The following SEMA5B variants were observed in gnomAD, a reference collection of about 807,000 sequenced individuals.
The protein encoded by SEMA5B is semaphorin 5B.
A neutral mutation model predicts 135.0 loss-of-function variants in SEMA5B; 66 were observed. The ratio of observed to expected loss-of-function variants is 0.49; its 90% confidence interval spans 0.40 to 0.60. SEMA5B has a LOEUF of 0.60. Among genes scored for constraint, SEMA5B ranks in the 20% least tolerant of loss-of-function variants. SEMA5B has a pLI of 0.00. For synonymous variants in SEMA5B, 690 were observed against 639.5 expected (o/e 1.08, Z -1.19); for missense variants, 1,501 against 1,566.3 (o/e 0.96, Z 0.70).
intron 16 of SEMA5B, 36 bp from the exon 17 acceptor site, chr3:122,913,460 C>T (rs754423405): frequency 6.4e-6 from 10 of 1,559,016 alleles, no homozygotes; most frequent in South Asian, 3.5e-5. Context: ...TAGAACCCCA[C>T]GGCCTCCAGG....
intron 1 of SEMA5B, among the ~76,000 whole-genome samples, chr3:122,998,848 C>T (rs1942093824): frequency 6.6e-6 from 1 of 152,196 alleles, no homozygotes; most frequent in Admixed American, 6.5e-5. Context: ...TAATTGTGTT[C>T]CCACTAAACT....
chr3:122,979,194 C>T (rs1008087131), intron 1 of SEMA5B, among the ~76,000 whole-genome samples: 6 of 152,182 alleles, frequency 3.9e-5, no homozygotes, highest in African/African-American at 1.4e-4. Context: ...CCAGAGACAC[C>T]TTCGCTCTCA....
At chr3:122,981,685 G>A (rs1184803536) in intron 1 of SEMA5B, among the ~76,000 whole-genome samples, 1 of 152,246 alleles carries the variant, frequency 6.6e-6, no homozygotes, top group Admixed American at 6.5e-5. Context: ...AGCCATGAGA[G>A]AGGCACACAG....
chr3:123,003,123 A>G (rs1942222860), intron 1 of SEMA5B, among the ~76,000 whole-genome samples: 1 of 152,194 alleles, frequency 6.6e-6, no homozygotes, highest in Admixed American at 6.5e-5. Flanking sequence ...ATGTCCAGTA[A>G]GTGCACGGCA....
intron 1 of SEMA5B, among the ~76,000 whole-genome samples, chr3:122,966,853 C>A (rs1266121699): frequency 7.4e-6 from 1 of 134,824 alleles, no homozygotes; most frequent in African/African-American, 3.0e-5. Flanking sequence ...CCACCACACC[C>A]GGCCTATTAC....
intron 1 of SEMA5B, among the ~76,000 whole-genome samples, chr3:122,995,942 G>A (rs977112930): frequency 1.4e-4 from 22 of 152,212 alleles, no homozygotes; most frequent in Non-Finnish European, 1.5e-5. Flanking sequence ...TACGTTGATG[G>A]GTCAAGGGCT....
At position 122,929,031 on chromosome 3, in the gene SEMA5B, T is replaced by C. The variant is rs1490668985; in HGVS notation, c.502A>G (p.Thr168Ala). 4.3e-6 allele frequency: 7 copies of C among 1,611,926 alleles called. No individual in the cohort carries two copies. In the Admixed American group the frequency reaches 5.0e-5, roughly 12 times the overall value. Residue 168 changes from threonine (T) to alanine (A), a missense_variant, in exon 6 of 23, where the codon ACG becomes GCG. Transcript: ENST00000357599. ...QATEWASSEDTRRSCQSKGKT... is the reference protein window; with the variant it reads ...QATEWASSEDARRSCQSKGKT... ...CCTTTGCTTTGGCAGGAGCGGCGCG[T>C]GTCCTCACTGGAGGCCCACTCTGTG...
chr3:122,958,547 T>C (rs1487690851), intron 2 of SEMA5B, among the ~76,000 whole-genome samples: 1 of 152,124 alleles, frequency 6.6e-6, no homozygotes, highest in East Asian at 1.9e-4. Context: ...ACTCACCACT[T>C]GTGGGGCCAA....
chr3:123,019,032 A>C (rs973485122), intron 1 of SEMA5B, among the ~76,000 whole-genome samples: 1 of 152,066 alleles, frequency 6.6e-6, no homozygotes, highest in African/African-American at 2.4e-5. Context: ...TAGCATCCCC[A>C]CTCTACTGCT....
At chr3:122,924,537 C>T (rs894181396) in intron 9 of SEMA5B, among the ~76,000 whole-genome samples, 6 of 152,156 alleles carry the variant, frequency 3.9e-5, no homozygotes, top group Admixed American at 2.0e-4. Context: ...CCGAGCTGGT[C>T]GCTGGACTGC....
chr3:122,973,395 AC>A (rs1941197660), intron 1 of SEMA5B, among the ~76,000 whole-genome samples: 1 of 151,648 alleles, frequency 6.6e-6, no homozygotes, highest in Admixed American at 6.6e-5. Flanking sequence ...AGAACCTCAA[AC>A]CCCCACCCCA....
At chr3:122,993,054 G>C (rs571361022) in intron 1 of SEMA5B, 2 of 152,424 alleles carry the variant, frequency 1.3e-5, no homozygotes, top group African/African-American at 4.8e-5. Context: ...AGGGGAGCCA[G>C]GACTGCTGCT....
chr3:122,966,633 C>T (rs1407370973), intron 1 of SEMA5B, among the ~76,000 whole-genome samples: 1 of 150,328 alleles, frequency 6.7e-6, no homozygotes, highest in Non-Finnish European at 1.5e-5. Context: ...CAGCTCACTG[C>T]AAGCTCCGCC....
At chr3:122,911,278 T>C in intron 21 of SEMA5B, 1 of 1,396,110 alleles carries the variant, frequency 7.2e-7, no homozygotes, top group Non-Finnish European at 9.6e-7. Flanking sequence ...TAGAGTCAGA[T>C]GACTCTTCCT....
At chr3:122,975,972 A>C (rs746670668) in intron 1 of SEMA5B, 1 of 1,532,004 alleles carries the variant, frequency 6.5e-7, no homozygotes, top group Non-Finnish European at 8.7e-7. Context: ...CCAAATCTAG[A>C]AACTCTTCAT....
At chr3:123,014,857 C>A (rs749490435) in intron 1 of SEMA5B, among the ~76,000 whole-genome samples, 4 of 152,092 alleles carry the variant, frequency 2.6e-5, no homozygotes, top group East Asian at 3.8e-4. Flanking sequence ...AAGTTTTAAC[C>A]CCCTGTATGT....
chr3:122,913,926 C>T lies in SEMA5B; in HGVS notation c.2064G>A (p.Gln688=). ...GGGGAGCAGGGTTGCTGCAACTTCGCTGGCGGACCTGGAAGCCGATGCCAC... is the reference window on the plus strand; with the variant it reads ...GGGGAGCAGGGTTGCTGCAACTTCGTTGGCGGACCTGGAAGCCGATGCCAC... ...TSCGIGFQVR[Q]RSCSNPAPRH... is the part of the protein sequence containing the mutation. Residue 688 remains glutamine, a synonymous_variant, in exon 15 of 23, where the codon CAG becomes CAA. Transcript: ENST00000357599. 6.2e-7 allele frequency: 1 copy of T among 1,612,600 alleles called. No homozygotes were observed. The highest frequency in any genetic ancestry group is 8.5e-7 in the Non-Finnish European group (1 of 1,179,916).
intron 1 of SEMA5B, among the ~76,000 whole-genome samples, chr3:122,981,444 A>T (rs1941518824): frequency 6.6e-6 from 1 of 152,242 alleles, no homozygotes; most frequent in Admixed American, 6.5e-5. Flanking sequence ...TTCCTGGGAA[A>T]ACCAACAGGT....
At position 122,912,027 on chromosome 3, in the gene SEMA5B, T is replaced by C. The variant is rs1404308849; in HGVS notation, c.2939A>G (p.Asp980Gly). The change falls in exon 20 of 23, where the codon GAC becomes GGC. Residue 980 changes from aspartate (D) to glycine (G), a missense_variant. Asp to Gly is a moderately conservative substitution (Grantham distance 94). Coordinates refer to ENST00000357599, the MANE Select transcript of SEMA5B (RefSeq NM_001031702.4). Reference sequence around the variant, plus strand: ...GTGCCGGCTTCGGCTCTGGGCTCCGTCGTCAGTGCACTTACTCCACTCAGA... The same window carrying C: ...GTGCCGGCTTCGGCTCTGGGCTCCGCCGTCAGTGCACTTACTCCACTCAGA... ...PWSEWSKCTD[D>G]GAQSRSRHCE... The C allele has an allele frequency of 6.2e-7, 1 of 1,613,678 alleles. No individual in the cohort carries two copies. Among genetic ancestry groups the C allele is most frequent in the Non-Finnish European group, 8.5e-7 (1 of 1,179,824 alleles).
Sources: gnomAD v4.1 joint callset for allele counts (sites outside exome capture counted in the v4.1 genomes callset) on GRCh38, gnomAD v4.1.1 for gene constraint, MANE v1.5 for transcripts, NCBI Gene and HGNC (gene_info 2026-07-23, HGNC 2026-07-21) for gene names.